The following FSTL4 variants were observed in gnomAD, a reference collection of about 807,000 sequenced individuals.
The protein encoded by FSTL4 is follistatin like 4.
Under a neutral mutation model 78.2 loss-of-function variants are expected in FSTL4, and 28 were observed. The ratio of observed to expected loss-of-function variants is 0.36; its 90% CI spans 0.27 to 0.49. The LOEUF (loss-of-function observed/expected upper bound fraction) is 0.49, where lower values mean the gene tolerates loss of function less well. FSTL4 is among the 20% of genes least tolerant of loss of function. The pLI is 0.98. For missense variants in FSTL4, 922 were observed against 1,084.9 expected (o/e 0.85, Z 2.11); for synonymous variants, 422 against 440.5 (o/e 0.96, Z 0.53).
At chr5:133,289,358 T>C (rs765876768) in intron 6 of FSTL4, among the ~76,000 whole-genome samples, 15 of 152,228 alleles carry the variant, frequency 9.9e-5, no homozygotes, top group Non-Finnish European at 1.6e-4. Flanking sequence ...ACCTTCATTC[T>C]TCAAGATCCA....
At chr5:133,721,475 A>C in the FSTL4 span, among the ~76,000 whole-genome samples, 1 of 152,166 alleles carries the variant, frequency 6.6e-6, no homozygotes, top group East Asian at 1.9e-4. Context: ...AGTGGTGATG[A>C]ATTCCTTCAG....
At chr5:133,217,518 A>C in intron 12 of FSTL4, 140 bp from the exon 13 acceptor site, 2 of 714,426 alleles carry the variant, frequency 2.8e-6, no homozygotes, top group Non-Finnish European at 4.5e-6. Context: ...CAGGGCACCC[A>C]AGCCCTCCAA....
chr5:133,528,305 A>G (rs1024085487), intron 3 of FSTL4, among the ~76,000 whole-genome samples: 1 of 152,058 alleles, frequency 6.6e-6, no homozygotes, highest in Non-Finnish European at 1.5e-5. Context: ...TCCATTTAAC[A>G]TCTGCTCATA....
chr5:133,346,431 A>G (rs1292749066), intron 4 of FSTL4, among the ~76,000 whole-genome samples: 1 of 152,200 alleles, frequency 6.6e-6, no homozygotes, highest in Non-Finnish European at 1.5e-5. Flanking sequence ...AAATAAAAAT[A>G]AAAGAACTGT....
intron 12 of FSTL4, 107 bp downstream of exon 12, chr5:133,220,639 CAT>C: frequency 1.4e-6 from 1 of 738,570 alleles, no homozygotes; most frequent in East Asian, 2.5e-5. Context: ...AACCACACCA[CAT>C]ATAGCAAATG....
the FSTL4 span, among the ~76,000 whole-genome samples, chr5:133,642,125 A>G: frequency 4.6e-5 from 7 of 152,304 alleles, no homozygotes; most frequent in South Asian, 2.1e-4. Flanking sequence ...AATACACCAC[A>G]TAAGACTTCA....
chr5:133,291,172 T>C (rs1753255080), intron 6 of FSTL4, among the ~76,000 whole-genome samples: 1 of 151,980 alleles, frequency 6.6e-6, no homozygotes, highest in African/African-American at 2.4e-5. Flanking sequence ...GGAGGGGAGT[T>C]TGGGGGAAGA....
chr5:133,713,387 A>T, the FSTL4 span, among the ~76,000 whole-genome samples: 1 of 152,214 alleles, frequency 6.6e-6, no homozygotes, highest in East Asian at 1.9e-4. Context: ...GCCTGGCTTC[A>T]GCTGCCCTAA....
At chr5:133,760,315 T>C in the FSTL4 span, among the ~76,000 whole-genome samples, 1 of 152,216 alleles carries the variant, frequency 6.6e-6, no homozygotes, top group Non-Finnish European at 1.5e-5. Context: ...CAGAATTATG[T>C]GGTTCCTGGA....
chr5:133,708,171 G>A, the FSTL4 span, among the ~76,000 whole-genome samples: 1 of 144,608 alleles, frequency 6.9e-6, no homozygotes, highest in Non-Finnish European at 1.5e-5. Context: ...AGAGAGGGAG[G>A]GAGGGAGGGA....
At chr5:133,558,518 G>C (rs1298788484) in intron 3 of FSTL4, among the ~76,000 whole-genome samples, 1 of 152,126 alleles carries the variant, frequency 6.6e-6, no homozygotes, top group African/African-American at 2.4e-5. Context: ...AAGGCTGTGG[G>C]TCACTGTCTC....
chr5:133,839,884 C>T, the FSTL4 span, among the ~76,000 whole-genome samples: 23 of 152,340 alleles, frequency 1.5e-4, no homozygotes, highest in African/African-American at 5.3e-4. Context: ...CCAATACACA[C>T]GGGGCCATTA....
chr5:133,328,630 G>T (rs1419577347), intron 4 of FSTL4, among the ~76,000 whole-genome samples: 1 of 152,162 alleles, frequency 6.6e-6, no homozygotes, highest in African/African-American at 2.4e-5. Context: ...ATTCCTTGTG[G>T]AAGGTGGGCA....
At chr5:133,412,096 T>A (rs1192541749) in intron 3 of FSTL4, among the ~76,000 whole-genome samples, 1 of 152,166 alleles carries the variant, frequency 6.6e-6, no homozygotes, top group East Asian at 1.9e-4. Context: ...TAGGAAGACA[T>A]TCTCATAAAT....
intron 3 of FSTL4, among the ~76,000 whole-genome samples, chr5:133,523,427 A>G (rs1214972253): frequency 6.6e-6 from 1 of 152,074 alleles, no homozygotes; most frequent in Non-Finnish European, 1.5e-5. Context: ...AGTGGGAGAG[A>G]AAGGGAAAAC....
chr5:133,435,036 T>C (rs1387024938), intron 3 of FSTL4, among the ~76,000 whole-genome samples: 1 of 152,178 alleles, frequency 6.6e-6, no homozygotes, highest in Non-Finnish European at 1.5e-5. Flanking sequence ...CTCCAACTAT[T>C]TTTCCCCAGT....
intron 3 of FSTL4, among the ~76,000 whole-genome samples, chr5:133,485,706 T>C (rs1298877205): frequency 6.6e-6 from 1 of 152,112 alleles, no homozygotes; most frequent in Non-Finnish European, 1.5e-5. Flanking sequence ...AACGTTCGGG[T>C]CCTCGGCAAG....
intron 4 of FSTL4, among the ~76,000 whole-genome samples, chr5:133,326,599 G>A (rs1216243878): frequency 2.0e-5 from 3 of 152,174 alleles, no homozygotes; most frequent in Non-Finnish European, 4.4e-5. Flanking sequence ...CAGAAAGCCC[G>A]CCCGCAGAGC....
At chr5:133,221,977 T>C (rs1751150273) in intron 11 of FSTL4, among the ~76,000 whole-genome samples, 1 of 144,262 alleles carries the variant, frequency 6.9e-6, no homozygotes. Context: ...TCTGGGCAAG[T>C]TTTTAGTGAG....
Sources: allele counts gnomAD v4.1 joint callset (sites outside exome capture counted in the v4.1 genomes callset), GRCh38; gene constraint gnomAD v4.1.1; transcripts MANE v1.5; gene names NCBI Gene and HGNC (gene_info 2026-07-23, HGNC 2026-07-21).